ECT2L: variants seen among roughly 807,000 people sequenced by gnomAD.
ECT2L encodes epithelial cell-transforming sequence 2 oncogene-like.
ECT2L carries 126 observed loss-of-function variants against 122.8 expected under a neutral mutation model. The observed-to-expected ratio is 1.03, with a 90% CI of 0.89 to 1.19. The LOEUF (loss-of-function observed/expected upper bound fraction) is 1.19, where lower values mean the gene tolerates loss of function less well. Among genes scored for constraint, ECT2L ranks in the 50% most tolerant of loss-of-function variants. The probability of loss-of-function intolerance (pLI) is 0.00; values close to 1 mark genes in which losing one functional copy is unlikely to be tolerated. For synonymous variants in ECT2L, 385 were observed against 381.8 expected (o/e 1.01, Z -0.10); for missense variants, 1,012 against 1,064.1 (o/e 0.95, Z 0.68).
intron 9 of ECT2L, 65 bp downstream of exon 9, chr6:138,849,499 T>C: frequency 6.7e-7 from 1 of 1,482,236 alleles, no homozygotes; most frequent in East Asian, 2.5e-5. Context: ...GTCCACAGTG[T>C]GACTTCCGGA....
Position 138,797,655 on chromosome 6 carries a change from C to A in ECT2L, c.-244+1463C>A, listed in dbSNP as rs372853137. On this transcript the variant is annotated intron_variant, in intron 1 of 21. Coordinates refer to ENST00000541398, the MANE Select transcript of ECT2L (RefSeq NM_001077706.3). ...GGTTGTTCTGAGAGGAAAAAAAAAACAAAAAACTTTTTTCTCTTTACTCTC... is the reference window on the plus strand; with the variant it reads ...GGTTGTTCTGAGAGGAAAAAAAAAAAAAAAAACTTTTTTCTCTTTACTCTC... Among the ~76,000 whole-genome samples the A allele has an allele frequency of 1.5e-3, 222 of 150,532 alleles. 1 individual carries two copies. Among genetic ancestry groups the A allele is most frequent in the African/African-American group, 5.2e-3 (215 of 41,348 alleles).
At chr6:138,815,851 G>A (rs1272090905) in intron 4 of ECT2L, among the ~76,000 whole-genome samples, 1 of 152,158 alleles carries the variant, frequency 6.6e-6, no homozygotes, top group Non-Finnish European at 1.5e-5. Flanking sequence ...CTTGCTTCCT[G>A]TTCTTTCTTA....
intron 18 of ECT2L, among the ~76,000 whole-genome samples, chr6:138,886,626 C>T (rs1395937419): frequency 6.6e-6 from 1 of 151,916 alleles, no homozygotes; most frequent in Non-Finnish European, 1.5e-5. Context: ...CCACTTTGCC[C>T]AGGCTGGTCT....
At chr6:138,872,810 G>A (rs1778302374) in intron 13 of ECT2L, among the ~76,000 whole-genome samples, 1 of 152,006 alleles carries the variant, frequency 6.6e-6, no homozygotes. Context: ...TATTCCTAAG[G>A]GTGAAGCTAT....
At chr6:138,882,327 C>T (rs1309952939) in intron 15 of ECT2L, among the ~76,000 whole-genome samples, 1 of 152,160 alleles carries the variant, frequency 6.6e-6, no homozygotes, top group Admixed American at 6.5e-5. Flanking sequence ...TTTCTTAGAG[C>T]TCTGGGGAAC....
chr6:138,823,314 C>A lies in ECT2L; in HGVS notation c.179+8711C>A, dbSNP rs989490071. On this transcript the variant is annotated intron_variant, in intron 4 of 21. Transcript: ENST00000541398. ...TGCTAGGTGCATTCCCATTTTCCCCCGCTACCTAGGAACATCAATGAAAGC... is the reference window on the plus strand; with the variant it reads ...TGCTAGGTGCATTCCCATTTTCCCCAGCTACCTAGGAACATCAATGAAAGC... 163 of 1,593,312 alleles carry A rather than the reference C, an allele frequency of 1.0e-4. 1 individual carries two copies. The highest frequency in any genetic ancestry group is 2.7e-4 in the South Asian group (24 of 89,740).
intron 20 of ECT2L, among the ~76,000 whole-genome samples, chr6:138,894,699 T>C (rs966666019): frequency 6.6e-5 from 10 of 152,202 alleles, no homozygotes; most frequent in African/African-American, 2.4e-4. Context: ...GGTCAATCAA[T>C]AGCTTGTGCT....
intron 4 of ECT2L, chr6:138,823,559 G>C: frequency 6.6e-7 from 1 of 1,518,752 alleles, no homozygotes; most frequent in South Asian, 1.1e-5. Context: ...TCTACTCCCT[G>C]ATCACCAGCT....
At chr6:138,870,942 A>G (rs549052223) in intron 13 of ECT2L, among the ~76,000 whole-genome samples, 2 of 152,230 alleles carry the variant, frequency 1.3e-5, no homozygotes, top group South Asian at 4.2e-4. Context: ...AGGGGGGTTC[A>G]GTGAGCCAAG....
chr6:138,844,378 T>C (rs1199651485), intron 6 of ECT2L, 34 bp from the exon 7 acceptor site: 1 of 1,603,620 alleles, frequency 6.2e-7, no homozygotes, highest in Non-Finnish European at 8.5e-7. Flanking sequence ...AAGTATGAAG[T>C]AATCAGCCCC....
intron 20 of ECT2L, among the ~76,000 whole-genome samples, chr6:138,891,942 C>T (rs74932592): frequency 0.056 from 8,501 of 151,992 alleles, 423 homozygotes; most frequent in East Asian, 0.16. Flanking sequence ...TTTTTAAAAT[C>T]CTGTTTTGTG....
At chr6:138,899,060 C>T (rs1779308718) in intron 20 of ECT2L, among the ~76,000 whole-genome samples, 1 of 151,888 alleles carries the variant, frequency 6.6e-6, no homozygotes, top group East Asian at 1.9e-4. Flanking sequence ...ATCCGTCCTA[C>T]TCTCAGGAAT....
chr6:138,887,394 T>A (rs1044041447), intron 19 of ECT2L, among the ~76,000 whole-genome samples: 1 of 151,762 alleles, frequency 6.6e-6, no homozygotes, highest in Non-Finnish European at 1.5e-5. Flanking sequence ...GCCCAGCTAA[T>A]TTTTTGTATT....
intron 13 of ECT2L, among the ~76,000 whole-genome samples, chr6:138,875,975 G>C (rs748591422): frequency 5.9e-5 from 9 of 152,102 alleles, no homozygotes; most frequent in Non-Finnish European, 1.2e-4. Flanking sequence ...ACAAAAATTA[G>C]TGGGGCGTGG....
chr6:138,881,325 G>A (rs909916994), intron 15 of ECT2L, among the ~76,000 whole-genome samples, 154 bp downstream of exon 15: 3 of 151,852 alleles, frequency 2.0e-5, no homozygotes, highest in Admixed American at 6.6e-5. Flanking sequence ...ATTACCTACC[G>A]GGCTGCAACC....
chr6:138,893,299 G>C (rs950571710), intron 20 of ECT2L, among the ~76,000 whole-genome samples: 1 of 151,516 alleles, frequency 6.6e-6, no homozygotes, highest in African/African-American at 2.4e-5. Context: ...GTCCCAGTTG[G>C]TTAGGTTCTA....
intron 5 of ECT2L, 32 bp downstream of exon 5, chr6:138,838,546 C>T: frequency 6.3e-7 from 1 of 1,592,566 alleles, no homozygotes; most frequent in Non-Finnish European, 8.5e-7. Context: ...AGTAATAGGG[C>T]ACAAGTACAG....
At chr6:138,847,661 GC>G (rs1196438455) in intron 8 of ECT2L, among the ~76,000 whole-genome samples, 1 of 151,054 alleles carries the variant, frequency 6.6e-6, no homozygotes, top group Non-Finnish European at 1.5e-5. Flanking sequence ...ACAGGCGTAA[GC>G]CACCGCACCC....
chr6:138,829,540 A>G (rs951699757), intron 4 of ECT2L, among the ~76,000 whole-genome samples: 1 of 152,150 alleles, frequency 6.6e-6, no homozygotes, highest in Non-Finnish European at 1.5e-5. Context: ...GTTCCCAATG[A>G]CGTTATTACT....
Sources: allele counts gnomAD v4.1 joint callset (sites outside exome capture counted in the v4.1 genomes callset), GRCh38; gene constraint gnomAD v4.1.1; transcripts MANE v1.5; gene names NCBI Gene and HGNC (gene_info 2026-07-23, HGNC 2026-07-21).